Variants in STK32A observed in about 807,000 individuals in gnomAD.
STK32A encodes serine/threonine kinase 32A, also known as serine/threonine-protein kinase 32A.
Under a neutral mutation model 53.2 loss-of-function variants are expected in STK32A, and 41 were observed. That is an observed-to-expected ratio of 0.77 (90% confidence interval 0.60 to 1.00). STK32A has a LOEUF of 1.00. STK32A is among the 50% of genes least tolerant of loss of function. The pLI is 0.00. For missense variants in STK32A, 458 were observed against 485.8 expected (o/e 0.94, Z 0.54); for synonymous variants, 166 against 162.8 (o/e 1.02, Z -0.15).
At chr5:147,379,421 C>T (rs754319105) in intron 11 of STK32A, among the ~76,000 whole-genome samples, 3 of 151,970 alleles carry the variant, frequency 2.0e-5, no homozygotes, top group Non-Finnish European at 4.4e-5. Context: ...TCAGTTTCCT[C>T]ATTTATAGAT....
chr5:147,364,244 C>T (rs1756648301), intron 8 of STK32A, among the ~76,000 whole-genome samples: 1 of 151,424 alleles, frequency 6.6e-6, no homozygotes, highest in Non-Finnish European at 1.5e-5. Flanking sequence ...AAGAAATCTC[C>T]TCAGCTAAAT....
chr5:147,256,652 C>T (rs1754249854), intron 2 of STK32A, among the ~76,000 whole-genome samples: 1 of 152,092 alleles, frequency 6.6e-6, no homozygotes. Flanking sequence ...GCTGGGATTA[C>T]AGGCATGCAC....
the STK32A span, chr5:147,395,625 G>A: frequency 8.1e-6 from 13 of 1,613,932 alleles, no homozygotes; most frequent in Middle Eastern, 1.6e-4. Flanking sequence ...GGAGAGCCCC[G>A]AGCAGAGCCT....
intron 4 of STK32A, among the ~76,000 whole-genome samples, chr5:147,285,050 T>C (rs1834121): frequency 0.73 from 110,731 of 152,050 alleles, 40,589 homozygotes; most frequent in Admixed American, 0.8. Context: ...TGATTTCAAA[T>C]TATACCATAA....
chr5:147,286,327 T>C (rs149288539), intron 4 of STK32A, among the ~76,000 whole-genome samples: 53 of 152,218 alleles, frequency 3.5e-4, no homozygotes, highest in African/African-American at 1.3e-3. Flanking sequence ...GTGTAGTGTA[T>C]ACTGCTCAGG....
intron 4 of STK32A, among the ~76,000 whole-genome samples, chr5:147,284,699 AAAAACAAC>A: frequency 1.7e-5 from 1 of 59,224 alleles, no homozygotes. Flanking sequence ...GACAAAACAA[AAAAACAAC>A]AAAAAAAAAA....
At chr5:147,401,891 T>C in the STK32A span, 1 of 518,024 alleles carries the variant, frequency 1.9e-6, no homozygotes. Flanking sequence ...TTGTATTCTC[T>C]AGATTAAAAG....
chr5:147,286,655 C>T (rs1263095610), intron 4 of STK32A, among the ~76,000 whole-genome samples: 1 of 152,106 alleles, frequency 6.6e-6, no homozygotes, highest in African/African-American at 2.4e-5. Flanking sequence ...GATTTCTAGG[C>T]AAGCATTTGT....
chr5:147,277,157 A>T (rs1424291259), intron 2 of STK32A, among the ~76,000 whole-genome samples: 3 of 152,208 alleles, frequency 2.0e-5, no homozygotes, highest in African/African-American at 7.2e-5. Flanking sequence ...GAGACAAATT[A>T]TATACCATTT....
chr5:147,348,816 T>C (rs1255605290), intron 6 of STK32A: 6 of 715,576 alleles, frequency 8.4e-6, no homozygotes, highest in Non-Finnish European at 1.6e-5. Context: ...AATTAAACGC[T>C]TACTTCTTGC....
At chr5:147,368,830 A>G (rs1756884968) in intron 8 of STK32A, among the ~76,000 whole-genome samples, 1 of 152,204 alleles carries the variant, frequency 6.6e-6, no homozygotes. Flanking sequence ...TGTGGCATTC[A>G]TCAGTTAATT....
At chr5:147,275,516 G>T (rs1055183467) in intron 2 of STK32A, among the ~76,000 whole-genome samples, 7 of 152,014 alleles carry the variant, frequency 4.6e-5, no homozygotes, top group African/African-American at 1.7e-4. Context: ...TAGAGATGGG[G>T]CCTCACTACA....
At chr5:147,398,056 G>A in the STK32A span, among the ~76,000 whole-genome samples, 1 of 152,112 alleles carries the variant, frequency 6.6e-6, no homozygotes, top group African/African-American at 2.4e-5. Context: ...AGAAGTGTCC[G>A]GTCTTTAATA....
At chr5:147,300,969 C>CACCCT (rs1753102606) in intron 4 of STK32A, among the ~76,000 whole-genome samples, 1 of 152,188 alleles carries the variant, frequency 6.6e-6, no homozygotes, top group Non-Finnish European at 1.5e-5. Context: ...ATTTCCCCTT[C>CACCCT]ACCCTCTGAA....
intron 4 of STK32A, among the ~76,000 whole-genome samples, chr5:147,290,517 T>C (rs919615470): frequency 1.3e-5 from 2 of 152,156 alleles, no homozygotes; most frequent in African/African-American, 4.8e-5. Context: ...CCCCAGTCTT[T>C]CCCAGCATAG....
At chr5:147,308,156 ATATATATG>A (rs879823043) in intron 4 of STK32A, among the ~76,000 whole-genome samples, 3,764 of 104,876 alleles carry the variant, frequency 0.036, 97 homozygotes, top group African/African-American at 0.088. Flanking sequence ...ATATATATAT[ATATATATG>A]TGTGTACATG....
At chr5:147,297,237 C>T (rs1175613914) in intron 4 of STK32A, among the ~76,000 whole-genome samples, 10 of 152,056 alleles carry the variant, frequency 6.6e-5, no homozygotes, top group African/African-American at 1.7e-4. Flanking sequence ...TCTGTCCAGC[C>T]GTATTTTCAA....
intron 2 of STK32A, 83 bp downstream of exon 2, chr5:147,239,769 T>A: frequency 9.1e-7 from 1 of 1,098,534 alleles, no homozygotes; most frequent in Non-Finnish European, 1.3e-6. Context: ...AAGTTAAGCA[T>A]AAGCATGGTC....
intron 4 of STK32A, among the ~76,000 whole-genome samples, chr5:147,316,552 T>C (rs893301325): frequency 6.6e-6 from 1 of 151,638 alleles, no homozygotes; most frequent in African/African-American, 2.4e-5. Flanking sequence ...AACCCAGGAG[T>C]TCATTATAAT....
Sources: allele counts gnomAD v4.1 joint callset (sites outside exome capture counted in the v4.1 genomes callset), GRCh38; gene constraint gnomAD v4.1.1; transcripts MANE v1.5; gene names NCBI Gene and HGNC (gene_info 2026-07-23, HGNC 2026-07-21).